RERE: variants seen among roughly 807,000 people sequenced by gnomAD.
RERE encodes arginine-glutamic acid dipeptide repeats.
Under a neutral mutation model 146.1 loss-of-function variants are expected in RERE, and 40 were observed. The observed-to-expected ratio is 0.27, with a 90% CI of 0.21 to 0.36. The LOEUF is 0.36. Ranked by LOEUF, RERE falls within the 10% of genes least tolerant of loss-of-function variation. The probability of loss-of-function intolerance (pLI) is 1.00; values close to 1 mark genes in which losing one functional copy is unlikely to be tolerated. For synonymous variants in RERE, 1,003 were observed against 866.0 expected (o/e 1.16, Z -2.78); for missense variants, 1,933 against 2,138.7 (o/e 0.90, Z 1.90).
intron 7 of RERE, chr1:8,525,641 TAAAGG>T (rs1645560702): frequency 8.7e-7 from 1 of 1,147,664 alleles, no homozygotes; most frequent in Admixed American, 3.4e-5. Context: ...AGGGCTGAAT[TAAAGG>T]CTCTCAGGAA....
At chr1:8,720,874 G>A (rs1478501035) in intron 1 of RERE, among the ~76,000 whole-genome samples, 2 of 152,090 alleles carry the variant, frequency 1.3e-5, no homozygotes, top group Non-Finnish European at 2.9e-5. Flanking sequence ...TGACCAACAC[G>A]GTGCAACCCC....
intron 4 of RERE, among the ~76,000 whole-genome samples, chr1:8,576,515 T>C (rs944435368): frequency 2.6e-5 from 4 of 152,230 alleles, no homozygotes; most frequent in African/African-American, 9.6e-5. Flanking sequence ...ATGAACTATT[T>C]AATGAGTTTG....
chr1:8,552,539 A>G (rs904880523), intron 6 of RERE, among the ~76,000 whole-genome samples: 1 of 152,026 alleles, frequency 6.6e-6, no homozygotes, highest in Non-Finnish European at 1.5e-5. Context: ...GTACTGGTTT[A>G]TAACTATGGA....
intron 4 of RERE, among the ~76,000 whole-genome samples, chr1:8,561,087 C>T (rs539536131): frequency 1.3e-5 from 2 of 152,172 alleles, no homozygotes; most frequent in African/African-American, 4.8e-5. Context: ...TCTATGTTAT[C>T]TTATGGTGTA....
chr1:8,580,289 G>A (rs1404405294), intron 4 of RERE, among the ~76,000 whole-genome samples: 3 of 152,090 alleles, frequency 2.0e-5, no homozygotes, highest in African/African-American at 7.2e-5. Context: ...TAATAACTGA[G>A]GTGATTCAGA....
At chr1:8,489,810 G>A (rs1644952389) in intron 10 of RERE, among the ~76,000 whole-genome samples, 1 of 152,114 alleles carries the variant, frequency 6.6e-6, no homozygotes, top group Non-Finnish European at 1.5e-5. Flanking sequence ...CAGCACTTCG[G>A]GAGGCCCAGG....
chr1:8,791,211 C>T (rs147446434), intron 1 of RERE, among the ~76,000 whole-genome samples: 21 of 152,254 alleles, frequency 1.4e-4, no homozygotes, highest in Non-Finnish European at 2.2e-4. Flanking sequence ...AGGTGGTCTG[C>T]CAAGATAAAC....
intron 11 of RERE, among the ~76,000 whole-genome samples, chr1:8,446,453 A>C (rs759911680): frequency 7.3e-4 from 111 of 152,040 alleles, no homozygotes; most frequent in Non-Finnish European, 1.2e-3. Context: ...TCTGAAGATT[A>C]TGTGTCTTGG....
At chr1:8,498,407 T>C (rs1263481731) in intron 8 of RERE, among the ~76,000 whole-genome samples, 1 of 150,742 alleles carries the variant, frequency 6.6e-6, no homozygotes, top group Non-Finnish European at 1.5e-5. Flanking sequence ...AATTTATATA[T>C]AGTTGAGGCT....
chr1:8,711,445 T>C (rs919482597), intron 1 of RERE, among the ~76,000 whole-genome samples: 1 of 152,182 alleles, frequency 6.6e-6, no homozygotes, highest in African/African-American at 2.4e-5. Flanking sequence ...AGATAGCACA[T>C]GCTTTAAATA....
Position 8,624,291 on chromosome 1 carries a change from G to C in RERE, c.396+19C>G. On this transcript the variant is annotated intron_variant, in intron 3 of 22. Transcript: ENST00000400908. ...GAGAGAATACAGAGCAGAGTGAACAGCACATTAAAAACGCTTACCAGTTTG... is the reference window on the plus strand; with the variant it reads ...GAGAGAATACAGAGCAGAGTGAACACCACATTAAAAACGCTTACCAGTTTG... 1.3e-6 allele frequency: 2 copies of C among 1,574,486 alleles called. No homozygotes were observed. Among genetic ancestry groups the C allele is most frequent in the Non-Finnish European group, 1.7e-6 (2 of 1,145,826 alleles).
chr1:8,490,355 A>AAAAG (rs1553173834), intron 10 of RERE, among the ~76,000 whole-genome samples: 4 of 148,328 alleles, frequency 2.7e-5, no homozygotes, highest in African/African-American at 1.0e-4. Flanking sequence ...AAAAAAAAAA[A>AAAAG]AAAAGAAAAG....
chr1:8,559,204 T>C (rs192004175), intron 4 of RERE, among the ~76,000 whole-genome samples: 1 of 137,914 alleles, frequency 7.3e-6, no homozygotes, highest in South Asian at 2.3e-4. Context: ...TGCTTGAACC[T>C]GGGAGGCGGA....
intron 1 of RERE, among the ~76,000 whole-genome samples, chr1:8,737,418 T>G (rs980759225): frequency 1.1e-4 from 16 of 152,230 alleles, no homozygotes; most frequent in African/African-American, 3.6e-4. Context: ...TTATCACACT[T>G]GTTTCCTAAA....
chr1:8,745,145 G>A (rs979957907), intron 1 of RERE, among the ~76,000 whole-genome samples: 4 of 152,134 alleles, frequency 2.6e-5, no homozygotes, highest in Non-Finnish European at 5.9e-5. Context: ...GGCCTGGCAG[G>A]AGGTGATTGG....
intron 12 of RERE, among the ~76,000 whole-genome samples, chr1:8,390,029 GAGT>G (rs1360324600): frequency 1.1e-4 from 17 of 152,218 alleles, no homozygotes; most frequent in Admixed American, 1.0e-3. Context: ...TTAAGAACAA[GAGT>G]AGTTAGACAG....
chr1:8,650,925 A>AT (rs1330687249), intron 2 of RERE, among the ~76,000 whole-genome samples: 3 of 150,528 alleles, frequency 2.0e-5, no homozygotes, highest in Non-Finnish European at 3.0e-5. Flanking sequence ...ATTAAATTAA[A>AT]TAAATAAATA....
intron 11 of RERE, among the ~76,000 whole-genome samples, chr1:8,442,592 AC>A (rs1644264530): frequency 6.6e-6 from 1 of 151,994 alleles, no homozygotes; most frequent in Non-Finnish European, 1.5e-5. Flanking sequence ...TTTATAAATC[AC>A]CCAATCTCTG....
chr1:8,408,226 G>A (rs1643509142), intron 12 of RERE, among the ~76,000 whole-genome samples: 1 of 152,024 alleles, frequency 6.6e-6, no homozygotes, highest in Non-Finnish European at 1.5e-5. Context: ...GGAGGGTGGG[G>A]GAAGGGCTAG....
Sources: gnomAD v4.1 joint callset for allele counts (sites outside exome capture counted in the v4.1 genomes callset) on GRCh38, gnomAD v4.1.1 for gene constraint, MANE v1.5 for transcripts, NCBI Gene and HGNC (gene_info 2026-07-23, HGNC 2026-07-21) for gene names.